The following SCHIP1 variants were observed in gnomAD, a reference collection of about 807,000 sequenced individuals.
The protein encoded by SCHIP1 is schwannomin-interacting protein 1.
Under a neutral mutation model 29.7 loss-of-function variants are expected in SCHIP1, and 8 were observed. The observed-to-expected ratio is 0.27, with a 90% confidence interval of 0.16 to 0.49. The LOEUF is 0.49. SCHIP1 is among the 20% of genes least tolerant of loss of function. The pLI is 0.99. For synonymous variants in SCHIP1, 76 were observed against 94.9 expected (o/e 0.80, Z 1.16); for missense variants, 193 against 294.6 (o/e 0.66, Z 2.52).
At chr3:159,587,293 G>A in the SCHIP1 span, among the ~76,000 whole-genome samples, 3 of 151,758 alleles carry the variant, frequency 2.0e-5, no homozygotes, top group Non-Finnish European at 4.4e-5. Context: ...TTAAACGAAA[G>A]TATCTTTATT....
chr3:159,864,249 G>A (rs920642629), intron 1 of SCHIP1, among the ~76,000 whole-genome samples: 6 of 152,176 alleles, frequency 3.9e-5, no homozygotes, highest in Admixed American at 6.5e-5. Context: ...TTGCATATTC[G>A]GAAAGGTGGT....
At chr3:159,410,838 A>G in the SCHIP1 span, among the ~76,000 whole-genome samples, 123,274 of 152,024 alleles carry the variant, frequency 0.81, 50,251 homozygotes, top group African/African-American at 0.85. Flanking sequence ...GTTAATTGCA[A>G]TACTCTTCAC....
chr3:159,894,027 T>TA (rs1323756066), intron 6 of SCHIP1: 2 of 152,190 alleles, frequency 1.3e-5, no homozygotes, highest in Admixed American at 6.5e-5. Flanking sequence ...CCTTTACCTG[T>TA]ACAACTCCTA....
At chr3:159,787,780 A>G in the SCHIP1 span, among the ~76,000 whole-genome samples, 96 of 152,292 alleles carry the variant, frequency 6.3e-4, no homozygotes, top group African/African-American at 2.1e-3. Flanking sequence ...AGTTTCAAAC[A>G]GGACTGGCTA....
the SCHIP1 span, among the ~76,000 whole-genome samples, chr3:159,402,971 G>A: frequency 4.5e-4 from 68 of 151,962 alleles, no homozygotes; most frequent in Admixed American, 7.9e-4. Context: ...TATCTCCCCC[G>A]TAAGTTCTAA....
At chr3:159,429,077 G>A in the SCHIP1 span, among the ~76,000 whole-genome samples, 1 of 151,468 alleles carries the variant, frequency 6.6e-6, no homozygotes, top group South Asian at 2.1e-4. Context: ...GGATAGCACT[G>A]GGAGATATAC....
the SCHIP1 span, among the ~76,000 whole-genome samples, chr3:159,831,802 T>C: frequency 6.6e-6 from 1 of 152,136 alleles, no homozygotes; most frequent in African/African-American, 2.4e-5. Flanking sequence ...ACTTATGAAT[T>C]GTTTATTTCT....
At chr3:159,589,108 T>G in the SCHIP1 span, among the ~76,000 whole-genome samples, 1 of 152,226 alleles carries the variant, frequency 6.6e-6, no homozygotes, top group African/African-American at 2.4e-5. Flanking sequence ...CATGGAATGT[T>G]CTTCCATTCA....
At chr3:159,897,004 C>T in exon 7 of SCHIP1, 1 of 363,718 alleles carries the variant, frequency 2.7e-6, no homozygotes, top group Non-Finnish European at 4.9e-6. Context: ...ATGTACAGTA[C>T]TGACACCACC....
the SCHIP1 span, among the ~76,000 whole-genome samples, chr3:159,397,444 T>C: frequency 6.6e-6 from 1 of 152,208 alleles, no homozygotes; most frequent in Non-Finnish European, 1.5e-5. Flanking sequence ...TTCCCCATCT[T>C]TGTGGTTTTA....
the SCHIP1 span, among the ~76,000 whole-genome samples, chr3:159,728,881 G>T: frequency 6.6e-6 from 1 of 152,198 alleles, no homozygotes; most frequent in African/African-American, 2.4e-5. Context: ...CAGGCGCAGT[G>T]GCTCATGCCT....
At chr3:159,601,940 C>T in the SCHIP1 span, among the ~76,000 whole-genome samples, 1 of 152,202 alleles carries the variant, frequency 6.6e-6, no homozygotes, top group South Asian at 2.1e-4. Context: ...TTCCTGTTGG[C>T]TGTGCTCCAA....
At chr3:159,575,103 G>A in the SCHIP1 span, among the ~76,000 whole-genome samples, 1 of 152,202 alleles carries the variant, frequency 6.6e-6, no homozygotes, top group African/African-American at 2.4e-5. Context: ...CCCTCCATGG[G>A]CTGCACCCAC....
rs372829172 is a variant in SCHIP1 at position 159,895,791 on chromosome 3, G to A, written c.684-932G>A. Reference sequence around the variant, plus strand: ...GCTCACTGGAACCTCCACCTCCCGGGTTCAAGCAATTTTCCTGCCTCAGCC... The same window carrying A: ...GCTCACTGGAACCTCCACCTCCCGGATTCAAGCAATTTTCCTGCCTCAGCC... On this transcript the variant is annotated intron_variant, in intron 6 of 6. Coordinates refer to ENST00000445224, the Ensembl canonical transcript of SCHIP1. Among the ~76,000 whole-genome samples, 7 of 152,296 alleles carry A rather than the reference G, an allele frequency of 4.6e-5. No homozygotes were observed. In the South Asian group the frequency reaches 1.2e-3, roughly 27 times the overall value.
chr3:159,884,301 G>A (rs1560096049), intron 2 of SCHIP1, among the ~76,000 whole-genome samples: 1 of 151,242 alleles, frequency 6.6e-6, no homozygotes, highest in African/African-American at 2.4e-5. Flanking sequence ...AGGGTAACCT[G>A]AACATATTAG....
At chr3:159,492,534 G>T in the SCHIP1 span, among the ~76,000 whole-genome samples, 1 of 152,170 alleles carries the variant, frequency 6.6e-6, no homozygotes, top group Non-Finnish European at 1.5e-5. Context: ...AATGAAGCGA[G>T]AAGGGAAGTT....
chr3:159,273,453 G>T, the SCHIP1 span: 2 of 1,049,440 alleles, frequency 1.9e-6, no homozygotes, highest in Non-Finnish European at 2.3e-6. Flanking sequence ...GGACTAATGG[G>T]ATCTTCTTTT....
the SCHIP1 span, among the ~76,000 whole-genome samples, chr3:159,687,860 C>A: frequency 6.6e-6 from 1 of 152,180 alleles, no homozygotes; most frequent in Non-Finnish European, 1.5e-5. Context: ...GTTTGATTTT[C>A]TGTTTCTGTG....
chr3:159,425,590 A>G, the SCHIP1 span, among the ~76,000 whole-genome samples: 5 of 152,176 alleles, frequency 3.3e-5, no homozygotes, highest in East Asian at 1.9e-4. Context: ...CACATTAATA[A>G]TGGGAGACTT....
Sources: allele counts gnomAD v4.1 joint callset (sites outside exome capture counted in the v4.1 genomes callset), GRCh38; gene constraint gnomAD v4.1.1; transcripts MANE v1.5; gene names NCBI Gene and HGNC (gene_info 2026-07-23, HGNC 2026-07-21).